The following SETBP1 variants were observed in gnomAD, a reference collection of about 807,000 sequenced individuals.
SETBP1 encodes SET-binding protein.
In SETBP1, 9 loss-of-function variants were observed where a neutral mutation model predicts 101.0. That is an observed-to-expected ratio of 0.09 (90% confidence interval 0.05 to 0.16). The LOEUF (loss-of-function observed/expected upper bound fraction) is 0.16. Among genes scored for constraint, SETBP1 ranks in the 10% least tolerant of loss-of-function variants. SETBP1 has a pLI of 1.00. For synonymous variants in SETBP1, 818 were observed against 788.5 expected (o/e 1.04, Z -0.63); for missense variants, 1,858 against 2,033.8 (o/e 0.91, Z 1.66).
intron 3 of SETBP1, among the ~76,000 whole-genome samples, chr18:44,926,916 T>C (rs889305643): frequency 2.6e-5 from 4 of 152,120 alleles, no homozygotes; most frequent in Non-Finnish European, 4.4e-5. Flanking sequence ...GTAAGAAAGA[T>C]TCAGCAAAGT....
At chr18:44,722,126 G>A (rs533795626) in intron 2 of SETBP1, among the ~76,000 whole-genome samples, 1 of 152,180 alleles carries the variant, frequency 6.6e-6, no homozygotes, top group Non-Finnish European at 1.5e-5. Flanking sequence ...GTATGTGAGA[G>A]GGCATCTGCG....
chr18:44,950,005 G>C lies in SETBP1; in HGVS notation c.665G>C (p.Trp222Ser), dbSNP rs761385178. ...AGCAGCAGCCAGAACCACATGGACT[G>C]GTCCACCAACTCTGACAGCGGACCC... The part of the protein sequence containing the change: ...QKSSSQNHMD[W>S]STNSDSGPVT... The change falls in exon 4 of 6, where the codon TGG becomes TCG. Residue 222 changes from tryptophan (W) to serine (S), a missense_variant. By Grantham distance (177) the Trp-to-Ser change is radical. Around this residue, in one of 12 missense-constraint regions of SETBP1, gnomAD observed 581 missense variants for 535.1 expected, o/e 1.09. Coordinates refer to ENST00000649279, the MANE Select transcript of SETBP1 (RefSeq NM_015559.3). 3.0e-5 allele frequency: 49 copies of C among 1,614,044 alleles called. 1 individual carries two copies. In the East Asian group the frequency reaches 9.6e-4, roughly 32 times the overall value.
At chr18:44,753,292 A>C (rs1198817969) in intron 2 of SETBP1, among the ~76,000 whole-genome samples, 1 of 152,148 alleles carries the variant, frequency 6.6e-6, no homozygotes, top group East Asian at 1.9e-4. Flanking sequence ...TGTGCAACGA[A>C]TCATAAAACC....
At chr18:44,942,565 G>A (rs1332311596) in intron 3 of SETBP1, among the ~76,000 whole-genome samples, 1 of 152,062 alleles carries the variant, frequency 6.6e-6, no homozygotes, top group African/African-American at 2.4e-5. Context: ...GATTTAGAAA[G>A]TACCCCCAGG....
At chr18:44,961,632 A>G (rs551485374) in intron 4 of SETBP1, among the ~76,000 whole-genome samples, 1 of 152,330 alleles carries the variant, frequency 6.6e-6, no homozygotes, top group South Asian at 2.1e-4. Flanking sequence ...AGATTCCCTT[A>G]TACTATGTCA....
Position 44,925,021 on chromosome 18 carries a change from T to G in SETBP1, c.541-24860T>G, listed in dbSNP as rs1385269859. ...ATCCTGTGTGAGTTTTTTTTTTTTT[T>G]TTTTTTTTTTTTTTCACGAGAATGA... On this transcript the variant is annotated intron_variant, in intron 3 of 5. Transcript: ENST00000649279. 6.4e-3 allele frequency among the ~76,000 whole-genome samples: 929 copies of G among 144,966 alleles called. 9 individuals are homozygous for G. Among genetic ancestry groups the G allele is most frequent in the Non-Finnish European group, 0.011 (711 of 64,584 alleles).
At position 44,950,373 on chromosome 18, in the gene SETBP1, C is replaced by G; in HGVS notation, c.1033C>G (p.Gln345Glu). ...GTCCAGTAAAAAAGATGTGATAAGT[C>G]AGACCATACCAAACCCAGACCTGGA... ...KKSSKKDVIS[Q>E]TIPNPDLDWV... The change falls in exon 4 of 6, where the codon CAG becomes GAG. Residue 345 changes from glutamine to glutamate, a missense_variant. Around this residue, in one of 12 missense-constraint regions of SETBP1, gnomAD observed 581 missense variants for 535.1 expected, o/e 1.09. Transcript: ENST00000649279. 6.2e-7 allele frequency: 1 copy of G among 1,614,078 alleles called. No homozygotes were observed. The highest frequency in any genetic ancestry group is 8.5e-7 in the Non-Finnish European group (1 of 1,180,030).
chr18:44,700,200 G>C (rs1228585121), intron 1 of SETBP1, among the ~76,000 whole-genome samples: 2 of 152,078 alleles, frequency 1.3e-5, no homozygotes, highest in Non-Finnish European at 1.5e-5. Flanking sequence ...GGTGAAGAAG[G>C]GTGAAGGAGA....
At chr18:45,001,561 AT>A (rs1017722425) in intron 4 of SETBP1, among the ~76,000 whole-genome samples, 2 of 152,058 alleles carry the variant, frequency 1.3e-5, no homozygotes, top group Non-Finnish European at 2.9e-5. Context: ...TAAACTTCCA[AT>A]ATTAGGGATA....
chr18:44,790,877 G>A (rs1229650320), intron 2 of SETBP1, among the ~76,000 whole-genome samples: 1 of 152,188 alleles, frequency 6.6e-6, no homozygotes, highest in East Asian at 1.9e-4. Context: ...CCTTAAAAGA[G>A]TCCACCCTGA....
chr18:44,967,793 A>C (rs1014808628), intron 4 of SETBP1, among the ~76,000 whole-genome samples: 3 of 151,948 alleles, frequency 2.0e-5, no homozygotes, highest in African/African-American at 7.3e-5. Flanking sequence ...TTCCTCCCCC[A>C]CCACACCACA....
rs577841961 is a variant in SETBP1, at chr18:44,853,492, A to G, written c.487-15738A>G. On this transcript the variant is annotated intron_variant, in intron 2 of 5. Coordinates refer to ENST00000649279, the MANE Select transcript of SETBP1 (RefSeq NM_015559.3). ...CAGACATCGAAACATCCCCATCCAA[A>G]CATCCCTATGAGGTAGCTAATGTTA... 4.6e-5 allele frequency among the ~76,000 whole-genome samples: 7 copies of G among 152,266 alleles called. No individual in the cohort carries two copies. The East Asian group carries it at 1.3e-3, about 29-fold the overall frequency.
At chr18:44,769,890 A>C (rs2070836968) in intron 2 of SETBP1, among the ~76,000 whole-genome samples, 1 of 152,216 alleles carries the variant, frequency 6.6e-6, no homozygotes, top group Non-Finnish European at 1.5e-5. Context: ...TGTGCCATCT[A>C]GACCATGTAC....
chr18:44,700,647 G>A (rs1314284761), intron 1 of SETBP1, among the ~76,000 whole-genome samples: 1 of 152,146 alleles, frequency 6.6e-6, no homozygotes, highest in Admixed American at 6.5e-5. Flanking sequence ...AAATGATAAA[G>A]GTAAAATGGT....
rs764823800 is a variant in SETBP1, at chr18:45,044,409, G to A, written c.4171+5754G>A. On this transcript the variant is annotated intron_variant, in intron 5 of 5. Transcript: ENST00000649279. ...CTGAAAGCTGTGCTGAATATGGCAC[G>A]TGCATGAAAGGCACTCCCTCCCGCA... Among the ~76,000 whole-genome samples, 8 of 152,180 alleles carry A rather than the reference G, an allele frequency of 5.3e-5. No individual in the cohort carries two copies. The East Asian group carries it at 7.7e-4, about 15-fold the overall frequency.
At chr18:44,828,650 C>T (rs1031843504) in intron 2 of SETBP1, among the ~76,000 whole-genome samples, 1 of 152,204 alleles carries the variant, frequency 6.6e-6, no homozygotes, top group African/African-American at 2.4e-5. Flanking sequence ...TGCTTTGTAT[C>T]TACAGGGCTG....
At chr18:44,869,602 G>T in intron 3 of SETBP1, 1 of 378,972 alleles carries the variant, frequency 2.6e-6, no homozygotes, top group South Asian at 2.2e-5. Context: ...GCAGAGGGTG[G>T]GTTGGGTTTG....
chr18:44,827,944 C>A (rs2072271561), intron 2 of SETBP1, among the ~76,000 whole-genome samples: 1 of 152,136 alleles, frequency 6.6e-6, no homozygotes, highest in African/African-American at 2.4e-5. Context: ...CCTAGTCATG[C>A]TCAGAACCTT....
intron 4 of SETBP1, among the ~76,000 whole-genome samples, chr18:45,029,509 C>T (rs1328226283): frequency 6.6e-6 from 1 of 152,094 alleles, no homozygotes; most frequent in Non-Finnish European, 1.5e-5. Context: ...TTTTTTGATT[C>T]TATATGAACT....
Sources: allele counts gnomAD v4.1 joint callset (sites outside exome capture counted in the v4.1 genomes callset), GRCh38; gene constraint gnomAD v4.1.1; regional missense constraint gnomAD v4.1.1; transcripts MANE v1.5; gene names NCBI Gene and HGNC (gene_info 2026-07-23, HGNC 2026-07-21).